The following SIK3 variants were observed in gnomAD, a reference collection of about 807,000 sequenced individuals.
SIK3 encodes SIK family kinase 3.
SIK3 carries 28 observed loss-of-function variants against 144.2 expected under a neutral mutation model. That is an observed-to-expected ratio of 0.19 (90% CI 0.14 to 0.27). SIK3 has a LOEUF of 0.27. Among genes scored for constraint, SIK3 ranks in the 10% least tolerant of loss-of-function variants. The probability of loss-of-function intolerance (pLI) is 1.00; values close to 1 mark genes in which losing one functional copy is unlikely to be tolerated. For missense variants in SIK3, 1,319 were observed against 1,776.0 expected (o/e 0.74, Z 4.62); for synonymous variants, 686 against 676.3 (o/e 1.01, Z -0.22).
At chr11:117,005,860 G>A (rs891301265) in intron 1 of SIK3, among the ~76,000 whole-genome samples, 5 of 152,244 alleles carry the variant, frequency 3.3e-5, no homozygotes, top group African/African-American at 4.8e-5. Context: ...AAAGGAAGAC[G>A]AAGGCTGATC....
chr11:117,049,316 G>A (rs2135899909), intron 1 of SIK3, among the ~76,000 whole-genome samples: 1 of 152,192 alleles, frequency 6.6e-6, no homozygotes, highest in South Asian at 2.1e-4. Context: ...AGTGGCTCAT[G>A]ACTGTAATCC....
intron 4 of SIK3, among the ~76,000 whole-genome samples, chr11:116,900,437 T>C (rs771560472): frequency 1.3e-5 from 2 of 152,184 alleles, no homozygotes; most frequent in Non-Finnish European, 2.9e-5. Flanking sequence ...TATCCATTCA[T>C]AGCACAAAGT....
chr11:117,033,098 T>C (rs993781661), intron 1 of SIK3, among the ~76,000 whole-genome samples: 2 of 152,180 alleles, frequency 1.3e-5, no homozygotes, highest in Admixed American at 1.3e-4. Flanking sequence ...GTGAAATTCT[T>C]TAAAATGCAT....
chr11:117,041,556 C>T (rs904134531), intron 1 of SIK3, among the ~76,000 whole-genome samples: 12 of 152,100 alleles, frequency 7.9e-5, no homozygotes, highest in African/African-American at 2.9e-4. Flanking sequence ...AACTTTGATG[C>T]TAAAATATCT....
At chr11:117,031,303 T>C (rs1337178310) in intron 1 of SIK3, among the ~76,000 whole-genome samples, 6 of 151,656 alleles carry the variant, frequency 4.0e-5, no homozygotes, top group Non-Finnish European at 8.8e-5. Context: ...TTTAAGTCCA[T>C]GATCCACTCT....
chr11:116,993,215 C>A (rs917027976), intron 1 of SIK3, among the ~76,000 whole-genome samples: 1 of 152,110 alleles, frequency 6.6e-6, no homozygotes, highest in African/African-American at 2.4e-5. Context: ...ACTTTAAAAA[C>A]CCCTCCCCAC....
At chr11:116,876,415 T>C in intron 7 of SIK3, 52 bp from the exon 8 acceptor site, 1 of 1,422,722 alleles carries the variant, frequency 7.0e-7, no homozygotes, top group Non-Finnish European at 9.9e-7. Context: ...CCACATCAAA[T>C]GTGGCACAGC....
At chr11:116,971,203 A>G (rs913105803) in intron 1 of SIK3, among the ~76,000 whole-genome samples, 2 of 152,220 alleles carry the variant, frequency 1.3e-5, no homozygotes, top group Non-Finnish European at 2.9e-5. Context: ...ATTAATTTCC[A>G]TCCCACTTAC....
chr11:116,958,787 G>C (rs1380458370), intron 1 of SIK3, among the ~76,000 whole-genome samples: 3 of 152,106 alleles, frequency 2.0e-5, no homozygotes, highest in African/African-American at 7.2e-5. Context: ...TTGACCACCT[G>C]CATTTCTACT....
chr11:117,061,041 G>C (rs1376692458), intron 1 of SIK3, among the ~76,000 whole-genome samples: 1 of 152,134 alleles, frequency 6.6e-6, no homozygotes, highest in Non-Finnish European at 1.5e-5. Context: ...GAGGCCAGGA[G>C]TTTGAGACCA....
At chr11:116,866,122 C>T (rs1943618612) in intron 15 of SIK3, among the ~76,000 whole-genome samples, 1 of 152,110 alleles carries the variant, frequency 6.6e-6, no homozygotes, top group Admixed American at 6.5e-5. Context: ...CCTTGAGTAA[C>T]AAATGTCAAC....
At chr11:116,927,079 C>A in intron 4 of SIK3, 140 bp downstream of exon 4, 1 of 557,468 alleles carries the variant, frequency 1.8e-6, no homozygotes, top group African/African-American at 2.0e-5. Flanking sequence ...AATTTTCAGG[C>A]TATTTTTTTT....
Position 116,874,061 on chromosome 11 carries a change from T to C in SIK3, c.1428-5A>G. 1 of 1,612,588 alleles carries C rather than the reference T, an allele frequency of 6.2e-7. No homozygotes were observed. The highest frequency in any genetic ancestry group is 8.5e-7 in the Non-Finnish European group (1 of 1,179,566). On this transcript the variant is annotated splice_region_variant and splice_polypyrimidine_tract_variant and intron_variant, in intron 11 of 24. Coordinates refer to ENST00000445177, the MANE Select transcript of SIK3 (RefSeq NM_001366686.3). ...AGATCTTCCATAACTTCCGTGCTGA[T>C]ACAAAACAGAATGACAGAGAAGTTT...
intron 6 of SIK3, among the ~76,000 whole-genome samples, chr11:116,887,707 T>G (rs887952448): frequency 6.6e-6 from 1 of 152,196 alleles, no homozygotes. Context: ...AATGCTTATG[T>G]CTTACCAGGG....
chr11:116,868,129 G>A, intron 14 of SIK3, 40 bp from the exon 15 acceptor site: 1 of 1,550,010 alleles, frequency 6.5e-7, no homozygotes, highest in Non-Finnish European at 8.7e-7. Flanking sequence ...AAAAAAGACA[G>A]ACAGGAATAT....
At chr11:116,974,338 T>C (rs1591458964) in intron 1 of SIK3, among the ~76,000 whole-genome samples, 1 of 152,224 alleles carries the variant, frequency 6.6e-6, no homozygotes, top group African/African-American at 2.4e-5. Flanking sequence ...ACAAACAACA[T>C]TTCTTCACTA....
At chr11:117,066,548 TTTG>T (rs1480033854) in intron 1 of SIK3, among the ~76,000 whole-genome samples, 2 of 151,580 alleles carry the variant, frequency 1.3e-5, no homozygotes, top group African/African-American at 2.4e-5. Flanking sequence ...TTTTTTTTTT[TTTG>T]GAAAGACAGG....
intron 1 of SIK3, among the ~76,000 whole-genome samples, chr11:117,034,639 G>A (rs1481238884): frequency 2.6e-5 from 4 of 152,136 alleles, no homozygotes; most frequent in African/African-American, 9.7e-5. Flanking sequence ...AAGTAATCAT[G>A]CCATGCTCCA....
chr11:116,901,054 G>A (rs749228235), intron 4 of SIK3, among the ~76,000 whole-genome samples: 3 of 151,864 alleles, frequency 2.0e-5, no homozygotes, highest in South Asian at 2.1e-4. Flanking sequence ...TAGTAGAGAC[G>A]GGGTTTCTCC....
Sources: allele counts gnomAD v4.1 joint callset (sites outside exome capture counted in the v4.1 genomes callset), GRCh38; gene constraint gnomAD v4.1.1; transcripts MANE v1.5; gene names NCBI Gene and HGNC (gene_info 2026-07-23, HGNC 2026-07-21).